The following ADAMTSL1 variants were observed in gnomAD, a reference collection of about 807,000 sequenced individuals.
The protein encoded by ADAMTSL1 is ADAMTS like 1.
ADAMTSL1 carries 126 observed loss-of-function variants against 201.8 expected under a neutral mutation model. The observed-to-expected ratio is 0.62, with a 90% CI of 0.54 to 0.72. ADAMTSL1 has a LOEUF of 0.72. Among genes scored for constraint, ADAMTSL1 ranks in the 30% least tolerant of loss-of-function variants. The pLI is 0.00. For missense variants in ADAMTSL1, 2,679 were observed against 2,277.8 expected (o/e 1.18, Z -3.59); for synonymous variants, 1,121 against 903.4 (o/e 1.24, Z -4.32).
intron 1 of ADAMTSL1, among the ~76,000 whole-genome samples, chr9:18,101,510 A>AT (rs1824521726): frequency 6.6e-6 from 1 of 151,998 alleles, no homozygotes; most frequent in African/African-American, 2.4e-5. Context: ...AAAAAAAAAA[A>AT]AGAAAAGCAA....
At chr9:17,979,582 G>C (rs1818604322) in intron 1 of ADAMTSL1, among the ~76,000 whole-genome samples, 1 of 149,602 alleles carries the variant, frequency 6.7e-6, no homozygotes. Context: ...TTCATGTATT[G>C]GTACTGAACT....
intron 23 of ADAMTSL1, among the ~76,000 whole-genome samples, chr9:18,865,607 T>A (rs1827479301): frequency 6.6e-6 from 1 of 152,276 alleles, no homozygotes; most frequent in Non-Finnish European, 1.5e-5. Context: ...AGCTATTTTT[T>A]AAAAAATAGA....
chr9:18,061,035 T>C (rs1330463843), intron 1 of ADAMTSL1, among the ~76,000 whole-genome samples: 1 of 152,204 alleles, frequency 6.6e-6, no homozygotes, highest in Non-Finnish European at 1.5e-5. Flanking sequence ...CAGAGTTTTT[T>C]GCAATGAGGG....
chr9:18,511,946 C>T (rs1818054107), intron 2 of ADAMTSL1, among the ~76,000 whole-genome samples: 1 of 152,058 alleles, frequency 6.6e-6, no homozygotes, highest in Non-Finnish European at 1.5e-5. Flanking sequence ...TCAAGTGAGC[C>T]CCAAAGCAGG....
At chr9:18,878,564 G>T (rs1828318934) in intron 23 of ADAMTSL1, among the ~76,000 whole-genome samples, 1 of 152,158 alleles carries the variant, frequency 6.6e-6, no homozygotes. Flanking sequence ...AGACCTTCAG[G>T]TTCCCCAGTG....
chr9:18,177,335 G>C (rs949822388), intron 2 of ADAMTSL1, among the ~76,000 whole-genome samples: 1 of 152,058 alleles, frequency 6.6e-6, no homozygotes, highest in Non-Finnish European at 1.5e-5. Context: ...GAAGAAATTC[G>C]CCTTAGCTTT....
intron 1 of ADAMTSL1, among the ~76,000 whole-genome samples, chr9:18,122,138 A>G (rs1027450168): frequency 1.3e-5 from 2 of 152,204 alleles, no homozygotes; most frequent in African/African-American, 4.8e-5. Context: ...CCATTTAAAC[A>G]TGGAGTTTAG....
intron 14 of ADAMTSL1, among the ~76,000 whole-genome samples, chr9:18,712,849 GAA>G (rs1409658625): frequency 1.3e-5 from 2 of 149,526 alleles, no homozygotes; most frequent in Non-Finnish European, 3.0e-5. Flanking sequence ...CAGCCAGAGA[GAA>G]AGGTCGGGTT....
intron 23 of ADAMTSL1, among the ~76,000 whole-genome samples, chr9:18,835,940 T>C (rs925413195): frequency 6.6e-6 from 1 of 152,222 alleles, no homozygotes; most frequent in Non-Finnish European, 1.5e-5. Context: ...ATGTCTTTGC[T>C]ACTGTGAATA....
chr9:18,320,022 A>G (rs1834557960), intron 2 of ADAMTSL1, among the ~76,000 whole-genome samples: 1 of 152,142 alleles, frequency 6.6e-6, no homozygotes. Flanking sequence ...AAACCAAGAA[A>G]TGAAGTGGCC....
chr9:18,850,290 C>G (rs1263817849), intron 23 of ADAMTSL1, among the ~76,000 whole-genome samples: 1 of 152,212 alleles, frequency 6.6e-6, no homozygotes, highest in East Asian at 1.9e-4. Context: ...CTGAAATAGA[C>G]AGGGATTGAA....
chr9:18,153,174 T>A (rs1040434500), intron 1 of ADAMTSL1, among the ~76,000 whole-genome samples: 3 of 151,996 alleles, frequency 2.0e-5, no homozygotes, highest in Middle Eastern at 3.2e-3. Flanking sequence ...GTCATCCACA[T>A]CCTATACTTG....
intron 1 of ADAMTSL1, among the ~76,000 whole-genome samples, chr9:18,091,240 A>G (rs1824005582): frequency 6.6e-6 from 1 of 152,022 alleles, no homozygotes; most frequent in Non-Finnish European, 1.5e-5. Context: ...TAAAGTTTAT[A>G]TGGTGTCTTC....
At position 18,910,538 on chromosome 9, in the gene ADAMTSL1, C is replaced by G. The variant is rs1195873455; in HGVS notation, c.*1990C>G. The G allele has an allele frequency of 6.6e-6, 1 of 152,186 alleles. No homozygotes were observed. Among genetic ancestry groups the G allele is most frequent in the East Asian group, 1.9e-4 (1 of 5,200 alleles). The allele number at this position is 152,186 out of a possible 1,614,324, so 9.4% of individuals were successfully genotyped here. ...GTGTTGTAAAAACTAACATGGGATG[C>G]TGAGGCAGTAAGAGGGAATTCATTT... On this transcript the variant is annotated 3_prime_UTR_variant, in exon 29 of 29. Transcript: ENST00000380548.
rs1402143658 is a variant in ADAMTSL1 at position 17,945,145 on chromosome 9, A to T, written c.87+38223A>T. Among the ~76,000 whole-genome samples the T allele has an allele frequency of 9.7e-3, 1,281 of 131,908 alleles. 21 individuals are homozygous for T. The highest frequency in any genetic ancestry group is 0.036 in the African/African-American group (1,219 of 34,200). 86.5% of individuals were successfully genotyped at this position (131,908 alleles called of 152,430 possible). A position where few individuals can be genotyped will look rare whatever the true frequency, so the allele number is the denominator to read the frequency against. ...AAAAAAACAAACAACCCCATCAAAA[A>T]GTGGGCAAAGGACATGAACAGACAC... On this transcript the variant is annotated intron_variant, in intron 1 of 29. Coordinates refer to the ADAMTSL1 transcript ENST00000680146.
chr9:18,174,720 A>T (rs760744908), intron 2 of ADAMTSL1, among the ~76,000 whole-genome samples: 12 of 152,170 alleles, frequency 7.9e-5, no homozygotes, highest in Non-Finnish European at 1.6e-4. Flanking sequence ...CTAACAAGAC[A>T]TTATTTAAAG....
At chr9:18,383,323 C>T (rs920281788) in intron 2 of ADAMTSL1, among the ~76,000 whole-genome samples, 1 of 152,102 alleles carries the variant, frequency 6.6e-6, no homozygotes, top group Non-Finnish European at 1.5e-5. Flanking sequence ...GGAGAGGACA[C>T]TGTCACCCCG....
At chr9:18,332,356 C>G (rs1184406216) in intron 2 of ADAMTSL1, among the ~76,000 whole-genome samples, 1 of 152,132 alleles carries the variant, frequency 6.6e-6, no homozygotes, top group Non-Finnish European at 1.5e-5. Flanking sequence ...GAATTTCCCT[C>G]AAAATAAGGA....
At chr9:18,533,344 G>A (rs7871056) in intron 3 of ADAMTSL1, 52 bp downstream of exon 3, 20,094 of 1,464,606 alleles carry the variant, frequency 0.014, 593 homozygotes, top group African/African-American at 0.11. Context: ...AGCACTGAAT[G>A]GTGCTAAGCA....
Sources: allele counts gnomAD v4.1 joint callset (sites outside exome capture counted in the v4.1 genomes callset), GRCh38; gene constraint gnomAD v4.1.1; transcripts MANE v1.5; gene names NCBI Gene and HGNC (gene_info 2026-07-23, HGNC 2026-07-21).